CYP39A1: variants seen among roughly 807,000 people sequenced by gnomAD.
CYP39A1 encodes cytochrome P450 family 39 subfamily A member 1, also known as 24-hydroxycholesterol 7-alpha-hydroxylase.
In CYP39A1, 49 loss-of-function variants were observed where a neutral mutation model predicts 58.1. The ratio of observed to expected loss-of-function variants is 0.84; its 90% CI spans 0.67 to 1.07. CYP39A1 has a LOEUF of 1.07. Among genes scored for constraint, CYP39A1 ranks in the 50% least tolerant of loss-of-function variants. The pLI is 0.00. For missense variants in CYP39A1, 531 were observed against 539.4 expected, an observed-to-expected ratio of 0.98 and a Z score of 0.16; for synonymous variants, 209 against 187.6, an observed-to-expected ratio of 1.11 and a Z score of -0.93.
chr6:46,560,779 A>T (rs978299063), intron 10 of CYP39A1, among the ~76,000 whole-genome samples: 24 of 41,698 alleles, frequency 5.8e-4, no homozygotes, highest in Non-Finnish European at 7.5e-4. Context: ...AAACTTGATT[A>T]AAAAAAATCT....
intron 7 of CYP39A1, among the ~76,000 whole-genome samples, chr6:46,606,864 T>C (rs1773880744): frequency 1.3e-5 from 2 of 152,234 alleles, no homozygotes; most frequent in Admixed American, 6.5e-5. Context: ...ATTCACTCAA[T>C]GTAAATTTGC....
chr6:46,554,158 A>G (rs377100029), intron 10 of CYP39A1, among the ~76,000 whole-genome samples: 15 of 152,310 alleles, frequency 9.8e-5, no homozygotes, highest in African/African-American at 3.1e-4. Context: ...CATAGCCATT[A>G]GATACAAGTG....
chr6:46,611,928 A>G (rs1774241836), intron 7 of CYP39A1, among the ~76,000 whole-genome samples: 2 of 152,244 alleles, frequency 1.3e-5, no homozygotes, highest in East Asian at 3.8e-4. Flanking sequence ...AGATTATCCA[A>G]ATGTTTGAAA....
At chr6:46,624,627 T>C (rs1775189983) in intron 7 of CYP39A1, among the ~76,000 whole-genome samples, 1 of 152,210 alleles carries the variant, frequency 6.6e-6, no homozygotes, top group Non-Finnish European at 1.5e-5. Context: ...AACCATTAAC[T>C]GGCATCATAC....
At chr6:46,645,447 ATTGAG>A (rs1214916305) in intron 1 of CYP39A1, among the ~76,000 whole-genome samples, 1 of 152,006 alleles carries the variant, frequency 6.6e-6, no homozygotes, top group Non-Finnish European at 1.5e-5. Context: ...TCTTTATTTC[ATTGAG>A]TTGTTTTTGC....
intron 7 of CYP39A1, among the ~76,000 whole-genome samples, chr6:46,610,880 C>A (rs1044354987): frequency 6.6e-6 from 1 of 152,046 alleles, no homozygotes; most frequent in South Asian, 2.1e-4. Flanking sequence ...ATAGGTCCTG[C>A]CCCAGTCTGA....
intron 10 of CYP39A1, among the ~76,000 whole-genome samples, chr6:46,581,131 G>A (rs966395541): frequency 6.6e-6 from 1 of 152,170 alleles, no homozygotes; most frequent in Non-Finnish European, 1.5e-5. Flanking sequence ...TGTGGGGCCA[G>A]GTGCAGTGGC....
chr6:46,582,610 C>T (rs760910501), intron 10 of CYP39A1, among the ~76,000 whole-genome samples: 1 of 152,006 alleles, frequency 6.6e-6, no homozygotes, highest in African/African-American at 2.4e-5. Context: ...ATCCCCCTTC[C>T]TCCAAATTCT....
chr6:46,582,997 A>C, intron 10 of CYP39A1: 1 of 921,278 alleles, frequency 1.1e-6, no homozygotes, highest in Non-Finnish European at 1.3e-6. Context: ...TCTGATTTTA[A>C]TTAATTTTCC....
intron 7 of CYP39A1, among the ~76,000 whole-genome samples, chr6:46,614,245 TCTC>T (rs1417399058): frequency 3.9e-5 from 6 of 152,144 alleles, no homozygotes; most frequent in African/African-American, 1.4e-4. Flanking sequence ...CATTACATCT[TCTC>T]CTCTTTATAC....
chr6:46,629,104 G>A (rs1322883683), intron 6 of CYP39A1, among the ~76,000 whole-genome samples: 1 of 152,164 alleles, frequency 6.6e-6, no homozygotes, highest in African/African-American at 2.4e-5. Context: ...GCCTCTCCAG[G>A]ATCTCTGCCT....
At chr6:46,565,223 T>C (rs567761429) in intron 10 of CYP39A1, among the ~76,000 whole-genome samples, 9 of 151,740 alleles carry the variant, frequency 5.9e-5, no homozygotes, top group Non-Finnish European at 1.2e-4. Flanking sequence ...TCAAGGAAAA[T>C]GATGAAAAAA....
At chr6:46,583,374 T>G in intron 10 of CYP39A1, 2 of 985,340 alleles carry the variant, frequency 2.0e-6, no homozygotes, top group Non-Finnish European at 2.4e-6. Flanking sequence ...AGGGGACAGG[T>G]ATAGCAAGCA....
At chr6:46,614,661 T>A (rs1469410073) in intron 7 of CYP39A1, among the ~76,000 whole-genome samples, 1 of 152,196 alleles carries the variant, frequency 6.6e-6, no homozygotes, top group East Asian at 1.9e-4. Flanking sequence ...TATTGGACAT[T>A]CTGATCATTA....
intron 11 of CYP39A1, among the ~76,000 whole-genome samples, chr6:46,552,081 C>T (rs1478760552): frequency 1.3e-5 from 2 of 152,076 alleles, no homozygotes; most frequent in Non-Finnish European, 2.9e-5. Flanking sequence ...GGAGAAAATG[C>T]TAGGAAAAAT....
rs527674783 is a variant in CYP39A1 at position 46,574,699 on chromosome 6, C to T, written c.1250+12378G>A. On this transcript the variant is annotated intron_variant, in intron 10 of 11. Transcript: ENST00000275016. ...TTCTCTCCATAGATACATATCCTGC[C>T]CAGGTATTCTGTGCACAGGATGGGG... Among the ~76,000 whole-genome samples, 12 of 152,042 alleles carry T rather than the reference C, an allele frequency of 7.9e-5. No homozygotes were observed. In the South Asian group the frequency reaches 2.3e-3, roughly 29 times the overall value.
chr6:46,637,535 T>C (rs1776064998), intron 4 of CYP39A1, among the ~76,000 whole-genome samples: 1 of 152,244 alleles, frequency 6.6e-6, no homozygotes, highest in Non-Finnish European at 1.5e-5. Flanking sequence ...ATCTTAACTG[T>C]AGCAATGAGT....
chr6:46,625,611 T>A, intron 6 of CYP39A1, 103 bp from the exon 7 acceptor site: 1 of 738,682 alleles, frequency 1.4e-6, no homozygotes, highest in Non-Finnish European at 2.1e-6. Flanking sequence ...GGATGATGTT[T>A]AAATTAACCT....
intron 7 of CYP39A1, among the ~76,000 whole-genome samples, chr6:46,616,042 CTTTCT>C (rs146289262): frequency 0.13 from 15,280 of 121,928 alleles, 1,137 homozygotes; most frequent in Middle Eastern, 0.23. Flanking sequence ...CTTTCCTCCT[CTTTCT>C]TTTCTTTTCT....
Sources: gnomAD v4.1 joint callset for allele counts (sites outside exome capture counted in the v4.1 genomes callset) on GRCh38, gnomAD v4.1.1 for gene constraint, MANE v1.5 for transcripts, NCBI Gene and HGNC (gene_info 2026-07-23, HGNC 2026-07-21) for gene names.